The following CBX1 variants were observed in gnomAD, a reference collection of about 807,000 sequenced individuals.
The protein encoded by CBX1 is chromobox protein homolog 1.
In CBX1, 10 loss-of-function variants were observed where a neutral mutation model predicts 25.1. That is an observed-to-expected ratio of 0.40 (90% CI 0.25 to 0.68). The LOEUF (loss-of-function observed/expected upper bound fraction) is 0.68. CBX1 is among the 30% of genes least tolerant of loss of function. CBX1 has a pLI of 0.40. For synonymous variants in CBX1, 63 were observed against 79.4 expected (o/e 0.79, Z 1.10); for missense variants, 106 against 218.5 (o/e 0.49, Z 3.25).
chr17:48,079,732 T>A (rs775703797), intron 1 of CBX1, among the ~76,000 whole-genome samples: 1 of 152,144 alleles, frequency 6.6e-6, no homozygotes, highest in Non-Finnish European at 1.5e-5. Flanking sequence ...CAGGCTCAAG[T>A]GATCCTCCCA....
chr17:48,077,160 A>G (rs2037682296), intron 1 of CBX1, 119 bp from the exon 2 acceptor site: 2 of 744,424 alleles, frequency 2.7e-6, no homozygotes, highest in Non-Finnish European at 2.1e-6. Context: ...TGCTTATAGT[A>G]AGTGTTAGGC....
At chr17:48,076,657 C>T (rs984531333) in intron 2 of CBX1, among the ~76,000 whole-genome samples, 1 of 152,072 alleles carries the variant, frequency 6.6e-6, no homozygotes, top group Non-Finnish European at 1.5e-5. Flanking sequence ...GGTGACAGAG[C>T]GAGACCTCGT....
At chr17:48,073,564 C>T (rs1424437727) in intron 4 of CBX1, among the ~76,000 whole-genome samples, 3 of 152,264 alleles carry the variant, frequency 2.0e-5, no homozygotes. Flanking sequence ...CAGTGGCTCA[C>T]GCCTGTAATC....
intron 1 of CBX1, among the ~76,000 whole-genome samples, chr17:48,080,093 A>G (rs1243787094): frequency 6.6e-6 from 1 of 152,112 alleles, no homozygotes; most frequent in African/African-American, 2.4e-5. Flanking sequence ...CCCAGGCTGC[A>G]GTGCAATGGT....
At position 48,075,290 on chromosome 17, in the gene CBX1, G is replaced by A. The variant is rs1437855654; in HGVS notation, c.319-190C>T. On this transcript the variant is annotated intron_variant, in intron 3 of 4. Coordinates refer to ENST00000225603, the MANE Select transcript of CBX1 (RefSeq NM_001127228.2). ...GCTCACTGCAGCCTCTGCCTCCCAG[G>A]TTCAAGTGATTCTCCTGCCTCAGCC... is the stretch of plus-strand genomic sequence containing the variant. Among the ~76,000 whole-genome samples, 4 of 151,862 alleles carry A rather than the reference G, an allele frequency of 2.6e-5. No homozygotes were observed. In the East Asian group the frequency reaches 7.7e-4, roughly 29 times the overall value.
intron 1 of CBX1, among the ~76,000 whole-genome samples, chr17:48,077,445 GTTTT>G (rs796350669): frequency 1.9e-5 from 1 of 52,418 alleles, no homozygotes; most frequent in Admixed American, 2.3e-4. Flanking sequence ...TTTTTTTTTT[GTTTT>G]TTTTGTTTTT....
At chr17:48,074,548 A>G in intron 4 of CBX1, among the ~76,000 whole-genome samples, 1 of 152,196 alleles carries the variant, frequency 6.6e-6, no homozygotes, top group Non-Finnish European at 1.5e-5. Context: ...CTGTAATTGT[A>G]GAATCTGCAC....
At chr17:48,073,158 T>C (rs538265479) in intron 4 of CBX1, among the ~76,000 whole-genome samples, 6 of 152,072 alleles carry the variant, frequency 3.9e-5, no homozygotes, top group African/African-American at 1.4e-4. Context: ...TTCAGGTTAT[T>C]AGGAATGTCC....
chr17:48,092,249 C>G (rs1178512453), intron 1 of CBX1, among the ~76,000 whole-genome samples: 1 of 151,596 alleles, frequency 6.6e-6, no homozygotes, highest in Non-Finnish European at 1.5e-5. Context: ...CTCGCCCTCC[C>G]AAAGTGCTGG....
At chr17:48,089,336 C>T (rs544098358) in intron 1 of CBX1, among the ~76,000 whole-genome samples, 22 of 150,752 alleles carry the variant, frequency 1.5e-4, no homozygotes, top group Middle Eastern at 3.5e-3. Context: ...CTCCTGACCT[C>T]GTGATCCGCC....
chr17:48,089,881 T>A (rs1035967558), intron 1 of CBX1, among the ~76,000 whole-genome samples: 1 of 151,872 alleles, frequency 6.6e-6, no homozygotes, highest in African/African-American at 2.4e-5. Flanking sequence ...AGAAAGGAAG[T>A]AAATTCTGGA....
At chr17:48,093,842 C>T (rs145466649) in intron 1 of CBX1, among the ~76,000 whole-genome samples, 48 of 151,830 alleles carry the variant, frequency 3.2e-4, no homozygotes, top group African/African-American at 8.9e-4. Flanking sequence ...GGCTTAGGCC[C>T]GGCATGGTGA....
At chr17:48,095,925 GGCTA>G (rs1466671133) in intron 1 of CBX1, 3 of 152,184 alleles carry the variant, frequency 2.0e-5, no homozygotes, top group Non-Finnish European at 4.4e-5. Context: ...CTTTCACCCA[GGCTA>G]GAGTACAGTG....
chr17:48,077,443 T>TG (rs1340617977), intron 1 of CBX1, among the ~76,000 whole-genome samples: 1 of 55,464 alleles, frequency 1.8e-5, no homozygotes, highest in Non-Finnish European at 4.0e-5. Flanking sequence ...GTTTTTTTTT[T>TG]TGTTTTTTTT....
At chr17:48,094,131 A>AT (rs1235670890) in intron 1 of CBX1, among the ~76,000 whole-genome samples, 1 of 147,406 alleles carries the variant, frequency 6.8e-6, no homozygotes, top group Non-Finnish European at 1.5e-5. Flanking sequence ...AAAAAAAAAA[A>AT]AAAAAAAGAA....
chr17:48,079,188 C>T (rs1028487522), intron 1 of CBX1, among the ~76,000 whole-genome samples: 7 of 151,890 alleles, frequency 4.6e-5, no homozygotes, highest in Non-Finnish European at 7.4e-5. Flanking sequence ...TCACTGCAAC[C>T]TCCGCCACCT....
intron 1 of CBX1, among the ~76,000 whole-genome samples, chr17:48,094,059 C>A (rs970099574): frequency 2.1e-5 from 3 of 145,232 alleles, no homozygotes; most frequent in African/African-American, 5.2e-5. Flanking sequence ...AGTTGCGATG[C>A]GCCAAGATCG....
At chr17:48,099,897 T>C (rs548991590) in intron 1 of CBX1, among the ~76,000 whole-genome samples, 2 of 152,046 alleles carry the variant, frequency 1.3e-5, no homozygotes, top group South Asian at 4.1e-4. Flanking sequence ...TCCCAGCACT[T>C]TGGGAGGCCG....
chr17:48,077,226 T>G (rs1443019215), intron 1 of CBX1, among the ~76,000 whole-genome samples, 185 bp from the exon 2 acceptor site: 2 of 151,350 alleles, frequency 1.3e-5, no homozygotes, highest in East Asian at 3.9e-4. Flanking sequence ...AGAAAGCTCA[T>G]AAAACAGCCC....
Sources: allele counts gnomAD v4.1 joint callset (sites outside exome capture counted in the v4.1 genomes callset), GRCh38; gene constraint gnomAD v4.1.1; transcripts MANE v1.5; gene names NCBI Gene and HGNC (gene_info 2026-07-23, HGNC 2026-07-21).